RPS6KA6: variants seen among roughly 807,000 people sequenced by gnomAD.
RPS6KA6 encodes ribosomal protein S6 kinase A6, also known as ribosomal protein S6 kinase alpha-6.
In RPS6KA6, 27 loss-of-function variants were observed where a neutral mutation model predicts 65.4. The observed-to-expected ratio is 0.41, with a 90% CI of 0.30 to 0.57. RPS6KA6 has a LOEUF of 0.57. Among genes scored for constraint, RPS6KA6 ranks in the 20% least tolerant of loss-of-function variants. The probability of loss-of-function intolerance (pLI) is 0.24; values close to 1 mark genes in which losing one functional copy is unlikely to be tolerated. For synonymous variants in RPS6KA6, 190 were observed against 184.2 expected (o/e 1.03, Z -0.26); for missense variants, 486 against 555.6 (o/e 0.87, Z 1.26).
chrX:84,104,971 A>AT (rs1275165528), intron 16 of RPS6KA6, among the ~76,000 whole-genome samples: 1 of 110,274 alleles, frequency 9.1e-6, no homozygotes, highest in Non-Finnish European at 1.9e-5. Flanking sequence ...CTCTATCTCA[A>AT]TTTTTTTACT....
Position 84,076,969 on chromosome X carries a change from A to G in RPS6KA6, c.1972-11858T>C, listed in dbSNP as rs764801503. On this transcript the variant is annotated intron_variant, in intron 20 of 21. Transcript: ENST00000262752. ...CAATATAATCACATTTCTGCATACT[A>G]GCAACAAAAGAAAATAAAATTTTAA... 2.3e-3 allele frequency among the ~76,000 whole-genome samples: 257 copies of G among 111,563 alleles called. 2 individuals carry two copies. Among genetic ancestry groups the G allele is most frequent in the African/African-American group, 8.0e-3 (248 of 30,839 alleles).
At chrX:84,102,882 T>C (rs2034285920) in intron 17 of RPS6KA6, among the ~76,000 whole-genome samples, 1 of 110,619 alleles carries the variant, frequency 9.0e-6, no homozygotes, top group Non-Finnish European at 1.9e-5. Flanking sequence ...AAACTCTGAA[T>C]GCTGAGTGGA....
chrX:84,118,684 T>G (rs1569394902), intron 9 of RPS6KA6, among the ~76,000 whole-genome samples: 1 of 112,275 alleles, frequency 8.9e-6, no homozygotes, highest in Non-Finnish European at 1.9e-5. Context: ...AATTCATTTC[T>G]TTTTGATCTG....
chrX:84,123,921 GC>G (rs1476977868), intron 8 of RPS6KA6, among the ~76,000 whole-genome samples: 10 of 111,486 alleles, frequency 9.0e-5, no homozygotes, highest in Non-Finnish European at 1.9e-4. Context: ...TTGATTCAAT[GC>G]AGTCTGTGTG....
chrX:84,069,021 T>A (rs764022254), intron 20 of RPS6KA6, among the ~76,000 whole-genome samples: 1 of 111,999 alleles, frequency 8.9e-6, no homozygotes, highest in Non-Finnish European at 1.9e-5. Context: ...GTTATCCCCA[T>A]CAAGCTACCA....
At chrX:84,073,195 C>T (rs2033585661) in intron 20 of RPS6KA6, among the ~76,000 whole-genome samples, 2 of 111,414 alleles carry the variant, frequency 1.8e-5, no homozygotes, top group African/African-American at 6.5e-5. Flanking sequence ...ACCAATGGAA[C>T]AGAACAGACA....
chrX:84,155,457 C>T (rs904468288), intron 3 of RPS6KA6, among the ~76,000 whole-genome samples: 1 of 111,657 alleles, frequency 9.0e-6, no homozygotes, highest in Non-Finnish European at 1.9e-5. Context: ...CAGACCTATA[C>T]ACTTCTTTTC....
At chrX:84,171,674 A>T (rs373293484) in intron 1 of RPS6KA6, among the ~76,000 whole-genome samples, 504 of 111,613 alleles carry the variant, frequency 4.5e-3, no homozygotes, top group Middle Eastern at 0.014. Flanking sequence ...TCCTTTTTTT[A>T]AAATTTTATT....
chrX:84,115,130 A>T (rs2034539512), intron 12 of RPS6KA6, among the ~76,000 whole-genome samples: 1 of 112,091 alleles, frequency 8.9e-6, no homozygotes, highest in Non-Finnish European at 1.9e-5. Flanking sequence ...AATTTCCTGC[A>T]CAGCCAAATA....
At chrX:84,135,859 G>T (rs1039135424) in intron 6 of RPS6KA6, among the ~76,000 whole-genome samples, 3 of 111,086 alleles carry the variant, frequency 2.7e-5, no homozygotes, top group African/African-American at 9.8e-5. Flanking sequence ...TTTGTGTCTG[G>T]AAATACGGCT....
At chrX:84,187,343 T>A (rs1054326650) in intron 1 of RPS6KA6, 3 of 113,633 alleles carry the variant, frequency 2.6e-5, no homozygotes, top group Admixed American at 9.4e-5. Flanking sequence ...TGTGCAAATG[T>A]CCCCAGAGTT....
At chrX:84,182,995 T>C (rs1020319077) in intron 1 of RPS6KA6, among the ~76,000 whole-genome samples, 2 of 112,387 alleles carry the variant, frequency 1.8e-5, no homozygotes, top group Non-Finnish European at 3.8e-5. Context: ...GTAATAAGTG[T>C]ATTCACCTTT....
chrX:84,078,837 A>G (rs1203239600), intron 20 of RPS6KA6, among the ~76,000 whole-genome samples: 2 of 111,158 alleles, frequency 1.8e-5, no homozygotes, highest in Non-Finnish European at 3.8e-5. Flanking sequence ...GCATGAGGAA[A>G]TGTTTAGTGG....
intron 8 of RPS6KA6, among the ~76,000 whole-genome samples, chrX:84,127,558 A>G (rs1313296077): frequency 9.0e-6 from 1 of 111,402 alleles, no homozygotes; most frequent in African/African-American, 3.3e-5. Flanking sequence ...AATAATGCAA[A>G]AATCCTCAAC....
At chrX:84,168,496 C>T (rs181491721) in intron 1 of RPS6KA6, among the ~76,000 whole-genome samples, 5 of 111,333 alleles carry the variant, frequency 4.5e-5, no homozygotes, top group Admixed American at 9.6e-5. Context: ...ACAAAACAGA[C>T]TATGTGGGAT....
chrX:84,154,665 C>T (rs1165365040), intron 3 of RPS6KA6, among the ~76,000 whole-genome samples: 1 of 109,955 alleles, frequency 9.1e-6, no homozygotes, highest in Non-Finnish European at 1.9e-5. Flanking sequence ...TCATCACCAC[C>T]ACCACCACCA....
At chrX:84,168,806 G>C (rs900319985) in intron 1 of RPS6KA6, among the ~76,000 whole-genome samples, 1 of 111,531 alleles carries the variant, frequency 9.0e-6, no homozygotes, top group Admixed American at 9.5e-5. Flanking sequence ...GAATGTGAAT[G>C]AGTCAAGAAG....
At chrX:84,099,785 C>T (rs1449059523) in intron 18 of RPS6KA6, among the ~76,000 whole-genome samples, 1 of 110,980 alleles carries the variant, frequency 9.0e-6, no homozygotes, top group Non-Finnish European at 1.9e-5. Flanking sequence ...TAGAAAAGCA[C>T]ATCTACCTAA....
intron 11 of RPS6KA6, among the ~76,000 whole-genome samples, chrX:84,116,746 T>G (rs749592215): frequency 9.5e-6 from 1 of 104,876 alleles, no homozygotes; most frequent in African/African-American, 3.5e-5. Context: ...TGAAGAATAT[T>G]GGGGGGGGGC....
Sources: allele counts gnomAD v4.1 joint callset (sites outside exome capture counted in the v4.1 genomes callset), GRCh38; gene constraint gnomAD v4.1.1; transcripts MANE v1.5; gene names NCBI Gene and HGNC (gene_info 2026-07-23, HGNC 2026-07-21).